DCHS2: variants seen among roughly 807,000 people sequenced by gnomAD.
The protein encoded by DCHS2 is protocadherin-23.
In DCHS2, 142 loss-of-function variants were observed where a neutral mutation model predicts 182.4. The ratio of observed to expected loss-of-function variants is 0.78; its 90% CI spans 0.68 to 0.89. The LOEUF is 0.89. Among genes scored for constraint, DCHS2 ranks in the 40% least tolerant of loss-of-function variants. DCHS2 has a pLI of 0.00. For missense variants in DCHS2, 4,319 were observed against 4,198.6 expected (o/e 1.03, Z -0.79); for synonymous variants, 1,740 against 1,663.3 (o/e 1.05, Z -1.12).
rs1318660022 is a variant in DCHS2 at position 154,237,031 on chromosome 4, C to T, written c.7621G>A (p.Asp2541Asn). Residue 2541 changes from aspartate (D) to asparagine (N), a missense_variant, in exon 20 of 20, where the codon GAT becomes AAT. Coordinates refer to ENST00000357232, the MANE Select transcript of DCHS2 (RefSeq NM_001358235.2). ...ALTLVEIGIE[D>N]MNNYAPEFTV... The stretch of plus-strand genomic sequence containing the variant: ...AATTCAGGGGCATAATTGTTCATAT[C>T]TTCTATTCCTATCTCCACTAAAGTA... The T allele has an allele frequency of 6.2e-7, 1 of 1,613,880 alleles. No individual in the cohort carries two copies. Among genetic ancestry groups the T allele is most frequent in the Non-Finnish European group, 8.5e-7 (1 of 1,179,944 alleles).
intron 2 of DCHS2, among the ~76,000 whole-genome samples, chr4:154,367,128 G>A (rs544433600): frequency 6.6e-6 from 1 of 152,352 alleles, no homozygotes; most frequent in African/African-American, 2.4e-5. Context: ...AAGGAAGCAG[G>A]AAGGGCTGAG....
intron 2 of DCHS2, among the ~76,000 whole-genome samples, chr4:154,368,729 C>G (rs939376566): frequency 2.0e-5 from 3 of 152,120 alleles, no homozygotes; most frequent in Admixed American, 6.6e-5. Context: ...GAACTCCTGA[C>G]CTCAGGTGAT....
chr4:154,344,633 C>T (rs1729272745), intron 3 of DCHS2, among the ~76,000 whole-genome samples: 1 of 152,196 alleles, frequency 6.6e-6, no homozygotes, highest in Non-Finnish European at 1.5e-5. Flanking sequence ...AACCTGCAAC[C>T]TTCTCTAGGG....
intron 6 of DCHS2, among the ~76,000 whole-genome samples, chr4:154,329,183 C>T (rs1042959746): frequency 6.6e-5 from 10 of 152,086 alleles, no homozygotes; most frequent in African/African-American, 1.2e-4. Flanking sequence ...TATCAATTGC[C>T]GTTAAGAAGC....
In DCHS2 at chr4:154,236,193, T is replaced by C. The variant is rs758491051; in HGVS notation, c.8459A>G (p.Tyr2820Cys). The change falls in exon 20 of 20, where the codon TAT becomes TGT. Residue 2820 changes from tyrosine to cysteine, a missense_variant. Physicochemically the swap from Tyr to Cys is radical, Grantham distance 194 (BLOSUM62 -2). Transcript: ENST00000357232. ...GTCAATGAGGAAGAGATCATGATCA[T>C]AAGACATTCCATGAGTGAGAAAACA... is the stretch of plus-strand genomic sequence containing the variant. ...SPCFLTHGMS[Y>C]DHDLFLIDPL... The C allele has an allele frequency of 6.2e-7, 1 of 1,613,910 alleles. No individual in the cohort carries two copies. Among genetic ancestry groups the C allele is most frequent in the South Asian group, 1.1e-5 (1 of 91,082 alleles).
chr4:154,274,517 T>C (rs979731291), intron 13 of DCHS2, among the ~76,000 whole-genome samples: 2 of 152,190 alleles, frequency 1.3e-5, no homozygotes, highest in African/African-American at 4.8e-5. Flanking sequence ...AGATTTTCTA[T>C]ATATTTGTAT....
intron 1 of DCHS2, among the ~76,000 whole-genome samples, chr4:154,387,245 C>CT (rs1731462495): frequency 6.6e-6 from 1 of 152,058 alleles, no homozygotes; most frequent in Non-Finnish European, 1.5e-5. Context: ...AAAAAGCAGT[C>CT]TAAGGAAATT....
chr4:154,295,510 A>G (rs1224010395), intron 13 of DCHS2, among the ~76,000 whole-genome samples: 1 of 152,214 alleles, frequency 6.6e-6, no homozygotes, highest in Non-Finnish European at 1.5e-5. Context: ...CTTGGAAAGT[A>G]TCGTTCTTAT....
At position 154,240,709 on chromosome 4, in the gene DCHS2, T is replaced by A; in HGVS notation, c.7187A>T (p.Asp2396Val). 6.2e-7 allele frequency: 1 copy of A among 1,613,970 alleles called. No homozygotes were observed. The highest frequency in any genetic ancestry group is 8.5e-7 in the Non-Finnish European group (1 of 1,179,918). ...ESNPGTKFAIDQNTGVVVLVK... is the reference protein window; with the variant it reads ...ESNPGTKFAIVQNTGVVVLVK... ...CAACACCACCACTCCAGTGTTCTGATCAATAGCAAACTTGGTTCCAGGATT... is the reference window on the plus strand; with the variant it reads ...CAACACCACCACTCCAGTGTTCTGAACAATAGCAAACTTGGTTCCAGGATT... The change falls in exon 18 of 20, where the codon GAT becomes GTT. Residue 2396 changes from aspartate (D) to valine (V), a missense_variant. Coordinates refer to ENST00000357232, the MANE Select transcript of DCHS2 (RefSeq NM_001358235.2).
At chr4:154,480,826 GT>G (rs1200634168) in intron 1 of DCHS2, among the ~76,000 whole-genome samples, 1 of 152,112 alleles carries the variant, frequency 6.6e-6, no homozygotes, top group African/African-American at 2.4e-5. Context: ...ATAGGGTTTT[GT>G]TATGTTGCCC....
rs1189278794 is a variant in DCHS2 at position 154,320,912 on chromosome 4, A to T, written c.4487T>A (p.Leu1496His). The change falls in exon 9 of 20, where the codon CTT becomes CAT. Residue 1496 changes from leucine to histidine, a missense_variant. Physicochemically the swap from Leu to His is moderately conservative, Grantham distance 99 (BLOSUM62 -3). Coordinates refer to ENST00000357232, the MANE Select transcript of DCHS2 (RefSeq NM_001358235.2). ...KNLSLSSTVF[L>H]SIDVEDQNDH... ...ATTCTGATCTTCCACATCGATACTA[A>T]GGAAGACTGTGCTACTCAGGGAAAG... 1 of 1,614,122 alleles carries T rather than the reference A, an allele frequency of 6.2e-7. No homozygotes were observed. The highest frequency in any genetic ancestry group is 2.2e-5 in the East Asian group (1 of 44,890).
At chr4:154,343,951 C>T (rs1161698395) in intron 3 of DCHS2, among the ~76,000 whole-genome samples, 1 of 152,170 alleles carries the variant, frequency 6.6e-6, no homozygotes, top group South Asian at 2.1e-4. Context: ...AGATATGCCA[C>T]TCTTCCTTTC....
At chr4:154,419,787 A>G (rs1298702053) in intron 1 of DCHS2, among the ~76,000 whole-genome samples, 1 of 148,532 alleles carries the variant, frequency 6.7e-6, no homozygotes, top group African/African-American at 2.5e-5. Flanking sequence ...AAGCAGGGTG[A>G]TGCTAGAACT....
intron 1 of DCHS2, among the ~76,000 whole-genome samples, chr4:154,390,017 C>A (rs183354867): frequency 2.5e-4 from 38 of 152,156 alleles, no homozygotes; most frequent in Admixed American, 7.8e-4. Context: ...ACTTCAACAT[C>A]TTTTTAGATT....
rs1354492250 is a variant in DCHS2, at chr4:154,489,817, G to A, written c.1539C>T (p.Asp513=). The change falls in exon 1 of 20, where the codon GAC becomes GAT. Residue 513 remains aspartate, a synonymous_variant. Coordinates refer to ENST00000357232, the MANE Select transcript of DCHS2 (RefSeq NM_001358235.2). ...DLYELLLVAT[D]AGSPPLSTEE... is the part of the protein sequence containing the mutation. ...CCGTGCTCAGCGGCGGGGACCCCGC[G>A]TCCGTGGCCACCAGTAGTAACTCAT... 1.2e-5 allele frequency: 18 copies of A among 1,551,456 alleles called. No individual in the cohort carries two copies. The highest frequency in any genetic ancestry group is 1.5e-5 in the Non-Finnish European group (17 of 1,146,906).
chr4:154,331,781 TC>T, intron 5 of DCHS2: 2 of 1,511,960 alleles, frequency 1.3e-6, no homozygotes, highest in Non-Finnish European at 1.8e-6. Context: ...ACTCGAGCTA[TC>T]TGAGTTTCAG....
intron 1 of DCHS2, chr4:154,486,627 A>T (rs1283209317): frequency 8.2e-6 from 9 of 1,091,060 alleles, no homozygotes; most frequent in Non-Finnish European, 1.1e-5. Flanking sequence ...GTGTCATGAG[A>T]TTCAAAGGCA....
chr4:154,239,820 G>C (rs1320989136), intron 18 of DCHS2, among the ~76,000 whole-genome samples: 2 of 152,026 alleles, frequency 1.3e-5, no homozygotes, highest in East Asian at 1.9e-4. Flanking sequence ...GAAAAACTAA[G>C]TTTTAAAAAT....
chr4:154,386,028 G>C (rs1397873310), intron 1 of DCHS2, among the ~76,000 whole-genome samples: 1 of 151,904 alleles, frequency 6.6e-6, no homozygotes, highest in East Asian at 1.9e-4. Context: ...TGCTCAAAGG[G>C]AACTCCTGAT....
Sources: allele counts gnomAD v4.1 joint callset (sites outside exome capture counted in the v4.1 genomes callset), GRCh38; gene constraint gnomAD v4.1.1; transcripts MANE v1.5; gene names NCBI Gene and HGNC (gene_info 2026-07-23, HGNC 2026-07-21).